The following PRPF3 variants were observed in gnomAD, a reference collection of about 807,000 sequenced individuals.
PRPF3 encodes the protein U4/U6 small nuclear ribonucleoprotein Prp3.
A neutral mutation model predicts 89.2 loss-of-function variants in PRPF3; 3 were observed. The observed-to-expected ratio is 0.03, with a 90% CI of 0.02 to 0.09. The LOEUF (loss-of-function observed/expected upper bound fraction) is 0.09. Among genes scored for constraint, PRPF3 ranks in the 10% least tolerant of loss-of-function variants. The pLI, the probability that PRPF3 is intolerant of heterozygous loss-of-function variation, is 1.00. For missense variants in PRPF3, 463 were observed against 828.8 expected, an observed-to-expected ratio of 0.56 and a Z score of 5.42; for synonymous variants, 270 against 289.1, an observed-to-expected ratio of 0.93 and a Z score of 0.67.
At chr1:150,348,022 C>CT (rs1553873385) in intron 14 of PRPF3, among the ~76,000 whole-genome samples, 1 of 152,204 alleles carries the variant, frequency 6.6e-6, no homozygotes, top group Admixed American at 6.5e-5. Context: ...GCCAGACATT[C>CT]TTCTGGCCAT....
At chr1:150,325,161 T>C in intron 2 of PRPF3, 74 bp downstream of exon 2, 3 of 1,558,572 alleles carry the variant, frequency 1.9e-6, no homozygotes. Flanking sequence ...TCCTCAAAAT[T>C]CTCTCTGTTG....
chr1:150,350,219 T>G (rs1420811513), intron 15 of PRPF3, among the ~76,000 whole-genome samples: 2 of 148,138 alleles, frequency 1.4e-5, no homozygotes, highest in South Asian at 2.1e-4. Flanking sequence ...TTTTTTTTTT[T>G]TGAGAGAGTT....
chr1:150,348,947 C>T (rs1266725646), intron 14 of PRPF3: 2 of 574,342 alleles, frequency 3.5e-6, no homozygotes, highest in Non-Finnish European at 6.2e-6. Flanking sequence ...ATAACAAGTG[C>T]TATGTAAATG....
In PRPF3 at chr1:150,330,786, G is replaced by A. The variant is rs189842969; in HGVS notation, c.424-1898G>A. Among the ~76,000 whole-genome samples, 18 of 148,846 alleles carry A rather than the reference G, an allele frequency of 1.2e-4. No homozygotes were observed. The Admixed American group carries it at 1.2e-3, about 10-fold the overall frequency. On this transcript the variant is annotated intron_variant, in intron 4 of 15. Coordinates refer to ENST00000324862, the MANE Select transcript of PRPF3 (RefSeq NM_004698.4). ...GAGTGGAGTGTAATGGCGCTATCTC[G>A]GCTCACTGCAACCTCCGCCTCCCGG...
intron 14 of PRPF3, among the ~76,000 whole-genome samples, chr1:150,347,850 C>T (rs1264853916): frequency 6.6e-6 from 1 of 152,098 alleles, no homozygotes; most frequent in Non-Finnish European, 1.5e-5. Context: ...TAACACAAAG[C>T]CTATTTTTAT....
At position 150,325,959 on chromosome 1, in the gene PRPF3, C is replaced by G. The variant is rs1268846672; in HGVS notation, c.276+78C>G. On this transcript the variant is annotated intron_variant, in intron 3 of 15. Transcript: ENST00000324862. Reference sequence around the variant, plus strand: ...GAGTTGCTGAGCTTACCAGTTCACACGTTGATATCCTCTATTTAGAGCAGC... The same window carrying G: ...GAGTTGCTGAGCTTACCAGTTCACAGGTTGATATCCTCTATTTAGAGCAGC... 2.7e-5 allele frequency: 42 copies of G among 1,535,194 alleles called. No homozygotes were observed. In the South Asian group the frequency reaches 4.4e-4, roughly 16 times the overall value.
At chr1:150,331,094 A>G (rs935102157) in intron 4 of PRPF3, among the ~76,000 whole-genome samples, 1 of 151,644 alleles carries the variant, frequency 6.6e-6, no homozygotes, top group Non-Finnish European at 1.5e-5. Context: ...CTGGAGTGCA[A>G]TGCCGTGATC....
At chr1:150,336,760 A>T (rs907469570) in intron 7 of PRPF3, among the ~76,000 whole-genome samples, 6 of 151,064 alleles carry the variant, frequency 4.0e-5, no homozygotes, top group East Asian at 3.9e-4. Flanking sequence ...CGTCTCAAAA[A>T]ATATATATAT....
intron 9 of PRPF3, among the ~76,000 whole-genome samples, chr1:150,341,323 C>T (rs77534729): frequency 0.014 from 2,084 of 151,580 alleles, 52 homozygotes; most frequent in African/African-American, 0.048. Context: ...GCTCCACTAC[C>T]CACTGTGAGG....
intron 4 of PRPF3, chr1:150,330,563 G>C (rs1459941018): frequency 1.3e-5 from 2 of 151,028 alleles, no homozygotes; most frequent in Non-Finnish European, 2.9e-5. Flanking sequence ...CACCATGTTA[G>C]CCAGGATGGT....
At chr1:150,341,796 T>C (rs3125808) in intron 9 of PRPF3, among the ~76,000 whole-genome samples, 81,622 of 150,030 alleles carry the variant, frequency 0.54, 22,984 homozygotes, top group Non-Finnish European at 0.62. Flanking sequence ...TTCACCCCCC[T>C]GGGTTGAAGC....
At chr1:150,340,907 C>T (rs1391764100) in intron 9 of PRPF3, among the ~76,000 whole-genome samples, 1 of 151,306 alleles carries the variant, frequency 6.6e-6, no homozygotes, top group Non-Finnish European at 1.5e-5. Context: ...CTCAGGAGTT[C>T]GAGATCTAGG....
chr1:150,346,047 A>T lies in PRPF3; in HGVS notation c.1670A>T (p.Lys557Met). The change falls in exon 13 of 16, where the codon AAG becomes ATG. Residue 557 changes from lysine to methionine, a missense_variant. Physicochemically the swap from Lys to Met is moderately conservative, Grantham distance 95 (BLOSUM62 -1). Transcript: ENST00000324862. Reference sequence around the variant, plus strand: ...CGAAATTTGAGCAACCCAGCCAAGAAGTTCAAGATTGAAGCCAATGCTGGG... The same window carrying T: ...CGAAATTTGAGCAACCCAGCCAAGATGTTCAAGATTGAAGCCAATGCTGGG... ...RVRNLSNPAKKFKIEANAGQL... is the reference protein window; with the variant it reads ...RVRNLSNPAKMFKIEANAGQL... The T allele has an allele frequency of 6.2e-7, 1 of 1,614,178 alleles. No individual in the cohort carries two copies. The highest frequency in any genetic ancestry group is 8.5e-7 in the Non-Finnish European group (1 of 1,180,026).
chr1:150,323,554 G>GA (rs1382052525), intron 1 of PRPF3, among the ~76,000 whole-genome samples: 1 of 151,336 alleles, frequency 6.6e-6, no homozygotes, highest in African/African-American at 2.4e-5. Flanking sequence ...AGAATCAAGT[G>GA]AACCCAGGAG....
At chr1:150,326,024 G>A in intron 3 of PRPF3, 143 bp downstream of exon 3, 1 of 1,021,598 alleles carries the variant, frequency 9.8e-7, no homozygotes, top group Non-Finnish European at 1.5e-6. Flanking sequence ...GAGTAGGAGA[G>A]ATGAATTAGT....
chr1:150,321,699 G>T, intron 1 of PRPF3, 107 bp downstream of exon 1: 1 of 152,344 alleles, frequency 6.6e-6, no homozygotes. Flanking sequence ...GCGGGAAGGA[G>T]TGTGAAAGGA....
chr1:150,330,137 C>G (rs1257788147), intron 4 of PRPF3: 1 of 152,224 alleles, frequency 6.6e-6, no homozygotes, highest in African/African-American at 2.4e-5. Flanking sequence ...TTACTGCAAC[C>G]TCTGCCTCCC....
intron 9 of PRPF3, among the ~76,000 whole-genome samples, chr1:150,340,822 A>T (rs1201854572): frequency 6.6e-6 from 1 of 152,062 alleles, no homozygotes; most frequent in African/African-American, 2.4e-5. Context: ...CAAGGAAAAA[A>T]AATTTGGCTG....
chr1:150,337,653 C>T (rs1003160763), intron 7 of PRPF3, among the ~76,000 whole-genome samples: 1 of 151,578 alleles, frequency 6.6e-6, no homozygotes. Context: ...TGATGGGCGC[C>T]TGTAGTCCCA....
Sources: gnomAD v4.1 joint callset for allele counts (sites outside exome capture counted in the v4.1 genomes callset) on GRCh38, gnomAD v4.1.1 for gene constraint, MANE v1.5 for transcripts, NCBI Gene and HGNC (gene_info 2026-07-23, HGNC 2026-07-21) for gene names.